The following MYOM2 variants were observed in gnomAD, a reference collection of about 807,000 sequenced individuals.
MYOM2 encodes the protein myomesin-2.
Under a neutral mutation model 187.6 loss-of-function variants are expected in MYOM2, and 254 were observed. That is an observed-to-expected ratio of 1.35 (90% CI 1.22 to 1.50). The LOEUF is 1.50. MYOM2 is among the 40% of genes most tolerant of loss of function. The pLI, the probability that MYOM2 is intolerant of heterozygous loss-of-function variation, is 0.00. For missense variants in MYOM2, 2,796 were observed against 1,924.0 expected, an observed-to-expected ratio of 1.45 and a Z score of -8.48; for synonymous variants, 981 against 753.8, an observed-to-expected ratio of 1.30 and a Z score of -4.94.
chr8:2,101,906 TG>T (rs769434196), intron 20 of MYOM2: 3 of 152,278 alleles, frequency 2.0e-5, no homozygotes, highest in Non-Finnish European at 4.4e-5. Flanking sequence ...TTTTAGCACT[TG>T]CGGTTCCTCA....
In MYOM2 at chr8:2,140,901, C is replaced by T. The variant is rs1204295227; in HGVS notation, c.3964+15C>T. 18 of 1,588,340 alleles carry T rather than the reference C, an allele frequency of 1.1e-5. No homozygotes were observed. Among genetic ancestry groups the T allele is most frequent in the Non-Finnish European group, 1.5e-5 (18 of 1,164,712 alleles). ...GTCCGGACAAGGTAAGAGAATTCTT[C>T]TTTAGCATTTAATAATTTCCTATTT... is the stretch of plus-strand genomic sequence containing the variant. On this transcript the variant is annotated intron_variant, in intron 33 of 36. Coordinates refer to ENST00000262113, the MANE Select transcript of MYOM2 (RefSeq NM_003970.4).
chr8:2,138,892 C>T (rs766848113), intron 32 of MYOM2, among the ~76,000 whole-genome samples: 12 of 152,188 alleles, frequency 7.9e-5, no homozygotes, highest in East Asian at 1.9e-4. Context: ...GCTTAGTGTG[C>T]GCCAGGATCC....
At chr8:2,144,086 A>G (rs1005158985) in intron 36 of MYOM2, among the ~76,000 whole-genome samples, 1 of 152,134 alleles carries the variant, frequency 6.6e-6, no homozygotes, top group Non-Finnish European at 1.5e-5. Context: ...ACAAAAATTT[A>G]TAGACGTCTT....
rs1464865199 is a variant in MYOM2, at chr8:2,141,045, G to C, written c.3965-96G>C. The C allele has an allele frequency of 5.8e-6, 8 of 1,376,080 alleles. No individual in the cohort carries two copies. The Admixed American group carries it at 9.1e-5, about 16-fold the overall frequency. The allele number at this position is 1,376,080 out of a possible 1,614,324, so 85.2% of individuals were successfully genotyped here. A position where few individuals can be genotyped will look rare whatever the true frequency, so the allele number is the denominator to read the frequency against. On this transcript the variant is annotated intron_variant, in intron 33 of 36. Transcript: ENST00000262113. ...AAATTTATTCTTTTTTTATATATCA[G>C]TTTTCATGAACCAGATTCACTGGTA...
chr8:2,057,272 G>A (rs1464727131), intron 3 of MYOM2, 76 bp from the exon 4 acceptor site: 1 of 1,516,982 alleles, frequency 6.6e-7, no homozygotes, highest in African/African-American at 1.4e-5. Flanking sequence ...GAATGGGCAT[G>A]CCCTTTCCGG....
rs758825285 is a variant in MYOM2, at chr8:2,102,685, G to C, written c.2638G>C (p.Gly880Arg). 1.2e-6 allele frequency: 2 copies of C among 1,612,976 alleles called. No individual in the cohort carries two copies. The highest frequency in any genetic ancestry group is 1.7e-5 in the Admixed American group (1 of 60,008). The change falls in exon 21 of 37, where the codon GGT (glycine) becomes CGT (arginine). Residue 880 changes from glycine (G) to arginine (R), a missense_variant. By Grantham distance (125) the Gly-to-Arg change is moderately radical. Transcript: ENST00000262113. ...TTTCAAGGTCTCTGACCTGCAGCAA[G>C]GTAAGACCTATGTCTTCAGGGTCCG... ...RYLKVSDLQQ[G>R]KTYVFRVRAV...
At chr8:2,070,355 C>A (rs1209216692) in intron 8 of MYOM2, among the ~76,000 whole-genome samples, 2 of 152,222 alleles carry the variant, frequency 1.3e-5, no homozygotes, top group Non-Finnish European at 2.9e-5. Flanking sequence ...AGCCTCCTGG[C>A]AGCTGCTGGC....
chr8:2,058,046 T>G (rs1818733239), intron 5 of MYOM2, among the ~76,000 whole-genome samples: 2 of 127,020 alleles, frequency 1.6e-5, no homozygotes, highest in African/African-American at 3.2e-5. Flanking sequence ...TGAGATGGAG[T>G]CTCGCTCTGT....
At chr8:2,102,457 T>C (rs542091979) in intron 20 of MYOM2, among the ~76,000 whole-genome samples, 182 of 152,326 alleles carry the variant, frequency 1.2e-3, no homozygotes, top group African/African-American at 4.1e-3. Flanking sequence ...TTCCATCAGA[T>C]TGGGAGCGAA....
At chr8:2,075,702 C>G (rs796583252) in intron 10 of MYOM2, among the ~76,000 whole-genome samples, 40 of 152,294 alleles carry the variant, frequency 2.6e-4, no homozygotes, top group African/African-American at 9.1e-4. Flanking sequence ...AATATTTGCT[C>G]AAAGTTGGCG....
chr8:2,052,083 A>T, intron 2 of MYOM2, 75 bp from the exon 3 acceptor site: 1 of 1,586,424 alleles, frequency 6.3e-7, no homozygotes, highest in Non-Finnish European at 8.6e-7. Context: ...TGTAGAGAGA[A>T]AGTGATGTGT....
At chr8:2,137,857 C>T (rs1798135541) in intron 32 of MYOM2, among the ~76,000 whole-genome samples, 1 of 152,144 alleles carries the variant, frequency 6.6e-6, no homozygotes, top group Non-Finnish European at 1.5e-5. Context: ...CTTTCTTAAT[C>T]AAGCTGTGAT....
At position 2,050,886 on chromosome 8, in the gene MYOM2, T is replaced by A; in HGVS notation, c.107+13T>A. On this transcript the variant is annotated intron_variant, in intron 2 of 36. Transcript: ENST00000262113. ...ATGCGTCAAAAAAGTAAGCTGACATTCGCTGATGAGACGCGCAGAGCTTTG... is the reference window on the plus strand; with the variant it reads ...ATGCGTCAAAAAAGTAAGCTGACATACGCTGATGAGACGCGCAGAGCTTTG... 1 of 1,588,976 alleles carries A rather than the reference T, an allele frequency of 6.3e-7. No individual in the cohort carries two copies. The highest frequency in any genetic ancestry group is 8.6e-7 in the Non-Finnish European group (1 of 1,157,780).
At chr8:2,118,688 A>G (rs62478453) in intron 28 of MYOM2, among the ~76,000 whole-genome samples, 9,264 of 152,246 alleles carry the variant, frequency 0.061, 379 homozygotes, top group Middle Eastern at 0.11. Context: ...AATAAAAACA[A>G]TAAAAAACCC....
chr8:2,121,095 G>A (rs977478140), intron 28 of MYOM2, among the ~76,000 whole-genome samples: 1 of 152,100 alleles, frequency 6.6e-6, no homozygotes, highest in Non-Finnish European at 1.5e-5. Context: ...GGTGACTGAT[G>A]ATAGCCTGTG....
chr8:2,113,124 G>A (rs1797122221), intron 25 of MYOM2, among the ~76,000 whole-genome samples: 1 of 152,212 alleles, frequency 6.6e-6, no homozygotes, highest in Non-Finnish European at 1.5e-5. Context: ...GTAACGCTGG[G>A]CACGAGGAAG....
Position 2,093,134 on chromosome 8 carries a change from T to G in MYOM2, c.2003+614T>G, listed in dbSNP as rs1474722432. On this transcript the variant is annotated intron_variant, in intron 16 of 36. Transcript: ENST00000262113. ...TGTCAGCAGCTGTCAGAACCACCCT[T>G]GTGGATAGATGATCAATTATGGCTC... Among the ~76,000 whole-genome samples the G allele has an allele frequency of 7.2e-5, 11 of 152,316 alleles. No individual in the cohort carries two copies. The East Asian group carries it at 1.4e-3, about 19-fold the overall frequency.
intron 27 of MYOM2, among the ~76,000 whole-genome samples, chr8:2,117,238 G>A (rs983457182): frequency 1.3e-5 from 2 of 151,970 alleles, no homozygotes; most frequent in African/African-American, 4.8e-5. Flanking sequence ...CAACTTTGTA[G>A]GATGTATTTA....
chr8:2,083,494 C>G (rs1006317104), intron 13 of MYOM2, among the ~76,000 whole-genome samples: 8 of 152,186 alleles, frequency 5.3e-5, no homozygotes, highest in African/African-American at 1.2e-4. Flanking sequence ...CTAATGGCAT[C>G]TCATGTGTGA....
Sources: gnomAD v4.1 joint callset for allele counts (sites outside exome capture counted in the v4.1 genomes callset) on GRCh38, gnomAD v4.1.1 for gene constraint, MANE v1.5 for transcripts, NCBI Gene and HGNC (gene_info 2026-07-23, HGNC 2026-07-21) for gene names.